The following TRAF3IP3 variants were observed in gnomAD, a reference collection of about 807,000 sequenced individuals.
The protein encoded by TRAF3IP3 is TRAF3 interacting protein 3.
A neutral mutation model predicts 86.5 loss-of-function variants in TRAF3IP3; 64 were observed. That is an observed-to-expected ratio of 0.74 (90% CI 0.60 to 0.91). TRAF3IP3 has a LOEUF of 0.91. TRAF3IP3 is among the 40% of genes least tolerant of loss of function. The probability of loss-of-function intolerance (pLI) is 0.00; values close to 1 mark genes in which losing one functional copy is unlikely to be tolerated. For missense variants in TRAF3IP3, 579 were observed against 642.9 expected, an observed-to-expected ratio of 0.90 and a Z score of 1.07; for synonymous variants, 220 against 243.9, an observed-to-expected ratio of 0.90 and a Z score of 0.91.
chr1:209,773,024 G>A lies in TRAF3IP3; in HGVS notation c.774+5G>A. Reference sequence around the variant, plus strand: ...CAGCTATACACCTGTACCCAGGTAAGCATTCTGAAGGATACTTCCATCTCA... The same window carrying A: ...CAGCTATACACCTGTACCCAGGTAAACATTCTGAAGGATACTTCCATCTCA... On this transcript the variant is annotated splice_donor_5th_base_variant and intron_variant, in intron 9 of 16. Transcript: ENST00000367025. 1 of 1,599,212 alleles carries A rather than the reference G, an allele frequency of 6.3e-7. No individual in the cohort carries two copies. The highest frequency in any genetic ancestry group is 8.5e-7 in the Non-Finnish European group (1 of 1,173,606).
In TRAF3IP3 at chr1:209,764,044, C is replaced by T. The variant is rs553325466; in HGVS notation, c.702+457C>T. ...AATCTGGCCTAATACTCTCATTTTG[C>T]CCATGAGGAAACTGAGCTTCATAGG... On this transcript the variant is annotated intron_variant, in intron 8 of 16. Coordinates refer to ENST00000367025, the MANE Select transcript of TRAF3IP3 (RefSeq NM_025228.4). Among the ~76,000 whole-genome samples, 7 of 152,268 alleles carry T rather than the reference C, an allele frequency of 4.6e-5. No individual in the cohort carries two copies. The East Asian group carries it at 1.4e-3, about 29-fold the overall frequency.
chr1:209,771,944 CGTGTGCATGTGAAGGTGTGT>C (rs1183932935), intron 8 of TRAF3IP3, among the ~76,000 whole-genome samples: 2 of 87,296 alleles, frequency 2.3e-5, no homozygotes, highest in Non-Finnish European at 4.5e-5. Context: ...TGCAGGTGTG[CGTGTGCATGTGAAGGTGTGT>C]GTGTGCAGGT....
intron 8 of TRAF3IP3, among the ~76,000 whole-genome samples, chr1:209,771,006 G>GTGT (rs2077487453): frequency 6.9e-6 from 1 of 145,146 alleles, no homozygotes. Flanking sequence ...GTGGAGGTGT[G>GTGT]CGTGTGCATG....
At chr1:209,760,919 G>A (rs1453585302) in intron 3 of TRAF3IP3, among the ~76,000 whole-genome samples, 4 of 152,058 alleles carry the variant, frequency 2.6e-5, no homozygotes, top group Non-Finnish European at 5.9e-5. Context: ...GGGCAAGAGA[G>A]GGAGACCCTA....
intron 8 of TRAF3IP3, 67 bp from the exon 9 acceptor site, chr1:209,772,881 T>G: frequency 7.3e-7 from 1 of 1,372,984 alleles, no homozygotes. Context: ...AGAATAGGAA[T>G]ATAGAGTCAA....
intron 1 of TRAF3IP3, chr1:209,758,776 C>T (rs10489341): frequency 0.1 from 15,637 of 152,870 alleles, 2,025 homozygotes; most frequent in African/African-American, 0.3. Context: ...GAATTTCCAA[C>T]GCTCAGGATC....
chr1:209,766,589 C>G (rs761051573), intron 8 of TRAF3IP3, among the ~76,000 whole-genome samples: 12 of 152,242 alleles, frequency 7.9e-5, no homozygotes, highest in Non-Finnish European at 1.5e-4. Flanking sequence ...CCTGGCCAGG[C>G]ACGGCAGCTC....
intron 8 of TRAF3IP3, among the ~76,000 whole-genome samples, chr1:209,772,705 T>C (rs1403175143): frequency 6.6e-6 from 1 of 151,110 alleles, no homozygotes; most frequent in Non-Finnish European, 1.5e-5. Flanking sequence ...AGCCATTTGA[T>C]AAAAATCGAG....
At chr1:209,767,226 G>A (rs1303481324) in intron 8 of TRAF3IP3, among the ~76,000 whole-genome samples, 2 of 152,170 alleles carry the variant, frequency 1.3e-5, no homozygotes, top group South Asian at 2.1e-4. Context: ...CCTTTAGAAT[G>A]CATGCTACCC....
chr1:209,760,227 A>G lies in TRAF3IP3; in HGVS notation c.188A>G (p.Gln63Arg). The change falls in exon 3 of 17, where the codon CAG becomes CGG. Residue 63 changes from glutamine to arginine, a missense_variant. Gln to Arg is a conservative substitution (Grantham distance 43). Coordinates refer to ENST00000367025, the MANE Select transcript of TRAF3IP3 (RefSeq NM_025228.4). Reference protein sequence around the residue: ...QREQLQRARLQQFFRRRNLEL... With the variant: ...QREQLQRARLRQFFRRRNLEL... Reference sequence around the variant, plus strand: ...GAGCAGCTCCAGAGAGCTCGACTGCAGCAGTTCTTCAGGAGGAGGAACCTG... The same window carrying G: ...GAGCAGCTCCAGAGAGCTCGACTGCGGCAGTTCTTCAGGAGGAGGAACCTG... 2 of 1,614,246 alleles carry G rather than the reference A, an allele frequency of 1.2e-6. No individual in the cohort carries two copies. Among genetic ancestry groups the G allele is most frequent in the Non-Finnish European group, 1.7e-6 (2 of 1,180,042 alleles).
At chr1:209,769,059 G>A (rs879626182) in intron 8 of TRAF3IP3, among the ~76,000 whole-genome samples, 11 of 152,194 alleles carry the variant, frequency 7.2e-5, no homozygotes, top group South Asian at 4.1e-4. Flanking sequence ...CAAAATATTG[G>A]ATTAAAGCCA....
chr1:209,760,518 A>G (rs2077228165), intron 3 of TRAF3IP3, 134 bp downstream of exon 3: 1 of 744,738 alleles, frequency 1.3e-6, no homozygotes, highest in Non-Finnish European at 2.1e-6. Context: ...AAAGTTGCCA[A>G]GAGCTACTTA....
In TRAF3IP3 at chr1:209,775,369, G is replaced by C. The variant is rs1558026646; in HGVS notation, c.795G>C (p.Met265Ile). The C allele has an allele frequency of 6.2e-7, 1 of 1,613,392 alleles. No homozygotes were observed. Among genetic ancestry groups the C allele is most frequent in the Admixed American group, 1.7e-5 (1 of 59,856 alleles). The change falls in exon 10 of 17, where the codon ATG (methionine) becomes ATC (isoleucine). Residue 265 changes from methionine to isoleucine, a missense_variant. By Grantham distance (10) the Met-to-Ile change is conservative. Coordinates refer to ENST00000367025, the MANE Select transcript of TRAF3IP3 (RefSeq NM_025228.4). ...TCTQKYSPWGMKKVLLEMEDQ... is the reference protein window; with the variant it reads ...TCTQKYSPWGIKKVLLEMEDQ... ...TACAGAAATACTCCCCTTGGGGAATGAAAAAAGTACTACTGGAGATGGAAG... is the reference window on the plus strand; with the variant it reads ...TACAGAAATACTCCCCTTGGGGAATCAAAAAAGTACTACTGGAGATGGAAG...
At chr1:209,771,326 T>C (rs2077510194) in intron 8 of TRAF3IP3, among the ~76,000 whole-genome samples, 1 of 140,492 alleles carries the variant, frequency 7.1e-6, no homozygotes, top group African/African-American at 2.9e-5. Flanking sequence ...TGTGTGCATG[T>C]GGAGGTGTAT....
At position 209,780,649 on chromosome 1, in the gene TRAF3IP3, A is replaced by C. The variant is rs749978083; in HGVS notation, c.1449+43A>C. On this transcript the variant is annotated intron_variant, in intron 15 of 16. Transcript: ENST00000367025. ...GATAGTGAGGGCTCATTTGCGAAAT[A>C]GCAGAGAAACCTGGGAGGCAGTCAA... 1.0e-5 allele frequency: 15 copies of C among 1,469,644 alleles called. No individual in the cohort carries two copies. The East Asian group carries it at 3.8e-4, about 37-fold the overall frequency. The allele number at this position is 1,469,644 out of a possible 1,614,324, so 91.0% of individuals were successfully genotyped here. A position where few individuals can be genotyped will look rare whatever the true frequency, so the allele number is the denominator to read the frequency against.
chr1:209,776,740 T>C (rs1228700729), intron 11 of TRAF3IP3: 1 of 152,034 alleles, frequency 6.6e-6, no homozygotes, highest in East Asian at 1.9e-4. Flanking sequence ...CTTAATTTGG[T>C]GATTTACCAA....
In TRAF3IP3 at chr1:209,775,480, G is replaced by C. The variant is rs1558026928; in HGVS notation, c.906G>C (p.Gln302His). 1.2e-6 allele frequency: 2 copies of C among 1,614,236 alleles called. No homozygotes were observed. The highest frequency in any genetic ancestry group is 2.7e-5 in the African/African-American group (2 of 75,066). The change falls in exon 10 of 17, where the codon CAG becomes CAC. Residue 302 changes from glutamine to histidine, a missense_variant. Coordinates refer to ENST00000367025, the MANE Select transcript of TRAF3IP3 (RefSeq NM_025228.4). ...AAATGAATGCAGAGCAGCAACTACA[G>C]AGCACACAGGTATGGGGATGCCACA... ...EEKMNAEQQL[Q>H]STQRSLALAE... is the part of the protein sequence containing the mutation.
chr1:209,776,880 G>A (rs191485968), intron 11 of TRAF3IP3: 3 of 152,280 alleles, frequency 2.0e-5, no homozygotes, highest in African/African-American at 7.2e-5. Context: ...ACATGAATGT[G>A]TCACTTAGAC....
At chr1:209,771,267 G>A (rs1438965290) in intron 8 of TRAF3IP3, among the ~76,000 whole-genome samples, 4 of 144,910 alleles carry the variant, frequency 2.8e-5, no homozygotes, top group Non-Finnish European at 4.5e-5. Flanking sequence ...GTGTCCCTAC[G>A]GAGGTGTGCA....
Sources: gnomAD v4.1 joint callset for allele counts (sites outside exome capture counted in the v4.1 genomes callset) on GRCh38, gnomAD v4.1.1 for gene constraint, MANE v1.5 for transcripts, NCBI Gene and HGNC (gene_info 2026-07-23, HGNC 2026-07-21) for gene names.